GSKIP: variants seen among roughly 807,000 people sequenced by gnomAD.
The protein encoded by GSKIP is GSK3B-interacting protein.
In GSKIP, 5 loss-of-function variants were observed where a neutral mutation model predicts 11.9. That is an observed-to-expected ratio of 0.42 (90% CI 0.22 to 0.89). GSKIP has a LOEUF of 0.89. Ranked by LOEUF, GSKIP falls within the 40% of genes least tolerant of loss-of-function variation. GSKIP has a pLI of 0.29. For missense variants in GSKIP, 150 were observed against 166.6 expected (o/e 0.90, Z 0.55); for synonymous variants, 70 against 62.9 (o/e 1.11, Z -0.54).
intron 1 of GSKIP, chr14:96,364,935 A>AAAATTAAAACGACGGTTT (rs751897060): frequency 2.6e-5 from 4 of 152,118 alleles, no homozygotes; most frequent in Admixed American, 6.5e-5. Flanking sequence ...ATCAGAAAGG[A>AAAATTAAAACGACGGTTT]TCGTACGAGC....
intron 1 of GSKIP, among the ~76,000 whole-genome samples, chr14:96,370,663 T>C (rs1889022035): frequency 6.6e-6 from 1 of 152,180 alleles, no homozygotes; most frequent in Non-Finnish European, 1.5e-5. Context: ...CCTATCTGTC[T>C]ATCTCCCCCA....
At chr14:96,366,047 G>A (rs1281454833) in intron 1 of GSKIP, among the ~76,000 whole-genome samples, 1 of 152,066 alleles carries the variant, frequency 6.6e-6, no homozygotes, top group Non-Finnish European at 1.5e-5. Flanking sequence ...GACCAAAGCG[G>A]TAGCGGTGAA....
chr14:96,385,864 G>A lies in GSKIP; in HGVS notation c.*180G>A, dbSNP rs1221138358. The A allele has an allele frequency of 3.7e-6, 2 of 535,324 alleles. No homozygotes were observed. The highest frequency in any genetic ancestry group is 6.6e-6 in the Non-Finnish European group (2 of 304,566). The allele number at this position is 535,324 out of a possible 1,614,324, so 33.2% of individuals were successfully genotyped here. ...ATGATTTGTCTTAGTTTCTGTTTCAGTAAGGGAATTCTGAGGCCGTTGCTA... is the reference window on the plus strand; with the variant it reads ...ATGATTTGTCTTAGTTTCTGTTTCAATAAGGGAATTCTGAGGCCGTTGCTA... On this transcript the variant is annotated 3_prime_UTR_variant, in exon 4 of 4. Coordinates refer to ENST00000555181, the MANE Select transcript of GSKIP (RefSeq NM_016472.5).
chr14:96,385,002 AATT>A (rs1181565199), intron 3 of GSKIP, among the ~76,000 whole-genome samples: 3 of 152,128 alleles, frequency 2.0e-5, no homozygotes, highest in Admixed American at 1.3e-4. Context: ...ATTAACAACT[AATT>A]ATTAAAACTA....
At chr14:96,381,100 C>G (rs187251901) in intron 2 of GSKIP, among the ~76,000 whole-genome samples, 20 of 152,312 alleles carry the variant, frequency 1.3e-4, no homozygotes, top group Admixed American at 1.3e-3. Context: ...CAATAGCTCA[C>G]CATAACTTGT....
In GSKIP at chr14:96,385,591, C is replaced by G; in HGVS notation, c.327C>G (p.Ser109=). Residue 109 remains serine, a synonymous_variant, in exon 4 of 4, where the codon TCC becomes TCG. Transcript: ENST00000555181. ...CTCCCTACCATGAAACAGTCTACTC[C>G]TTGTTGGATACACTCAGCCCCGCCT... ...LQTPYHETVY[S]LLDTLSPAYR... 1.2e-6 allele frequency: 2 copies of G among 1,612,996 alleles called. No individual in the cohort carries two copies. The highest frequency in any genetic ancestry group is 1.7e-6 in the Non-Finnish European group (2 of 1,179,226).
Position 96,382,215 on chromosome 14 carries a change from A to C in GSKIP, c.-1-32A>C, listed in dbSNP as rs774812631. On this transcript the variant is annotated intron_variant, in intron 2 of 3. Transcript: ENST00000555181. ...TAGTTTGAATGTCTTTCTATAAACA[A>C]ATTTTATAACTGCTTTTTTTTTTTT... 2.0e-5 allele frequency: 30 copies of C among 1,507,382 alleles called. No individual in the cohort carries two copies. The Middle Eastern group carries it at 1.8e-3, about 89-fold the overall frequency. The allele number at this position is 1,507,382 out of a possible 1,614,324, so 93.4% of individuals were successfully genotyped here.
chr14:96,366,182 G>C (rs966610185), intron 1 of GSKIP, among the ~76,000 whole-genome samples: 1 of 152,026 alleles, frequency 6.6e-6, no homozygotes, highest in African/African-American at 2.4e-5. Flanking sequence ...GCAAAGGTGG[G>C]ATCTTGCAAG....
intron 1 of GSKIP, among the ~76,000 whole-genome samples, chr14:96,374,743 T>C (rs560180196): frequency 1.1e-4 from 17 of 151,988 alleles, no homozygotes; most frequent in Middle Eastern, 3.4e-3. Flanking sequence ...CTTTCACAAA[T>C]GAAGATGAAA....
intron 1 of GSKIP, among the ~76,000 whole-genome samples, chr14:96,379,236 A>G (rs1889281874): frequency 6.6e-6 from 1 of 152,170 alleles, no homozygotes; most frequent in Admixed American, 6.5e-5. Context: ...GCCGGGAGGC[A>G]GAGGTTGCAG....
intron 3 of GSKIP, chr14:96,384,758 C>T (rs974211386): frequency 6.6e-6 from 1 of 151,824 alleles, no homozygotes; most frequent in African/African-American, 2.4e-5. Context: ...GCTCTTGCTC[C>T]ATTAACTTCA....
At chr14:96,372,969 G>C (rs564747419) in intron 1 of GSKIP, among the ~76,000 whole-genome samples, 3 of 151,970 alleles carry the variant, frequency 2.0e-5, no homozygotes, top group African/African-American at 7.3e-5. Flanking sequence ...TGTGGCTCAC[G>C]CCTGTAATCC....
intron 3 of GSKIP, chr14:96,384,914 C>A (rs1006990657): frequency 3.3e-5 from 5 of 151,876 alleles, no homozygotes; most frequent in Non-Finnish European, 7.4e-5. Flanking sequence ...AGTGGCCTTT[C>A]AGATTACTAA....
chr14:96,378,866 C>A (rs1341934791), intron 1 of GSKIP: 1 of 152,204 alleles, frequency 6.6e-6, no homozygotes, highest in East Asian at 1.9e-4. Context: ...AAGTGCAAAT[C>A]CTGGGAAACC....
rs1409982025 is a variant in GSKIP at position 96,380,699 on chromosome 14, T to TA, written c.-2+916dup. Among the ~76,000 whole-genome samples, 9 of 152,188 alleles carry TA rather than the reference T, an allele frequency of 5.9e-5. 1 individual carries two copies. The East Asian group carries it at 1.7e-3, about 29-fold the overall frequency. On this transcript the variant is annotated intron_variant, in intron 2 of 3. Transcript: ENST00000555181. Reference sequence around the variant, plus strand: ...GTCAGAAAAAAATTGAGACTCCTTCTAAAAATGCATTTAAGAGCCAGGTGT... The same window carrying TA: ...GTCAGAAAAAAATTGAGACTCCTTCTAAAAAATGCATTTAAGAGCCAGGTGT...
chr14:96,365,620 C>G (rs886766657), intron 1 of GSKIP, among the ~76,000 whole-genome samples: 1 of 151,808 alleles, frequency 6.6e-6, no homozygotes, highest in South Asian at 2.1e-4. Flanking sequence ...CACTTGAGGT[C>G]AGGAGTTCAA....
chr14:96,381,781 T>G (rs1474121929), intron 2 of GSKIP, among the ~76,000 whole-genome samples: 1 of 152,212 alleles, frequency 6.6e-6, no homozygotes, highest in East Asian at 1.9e-4. Context: ...TCATATTCTA[T>G]TGGTAAAGTA....
Position 96,369,615 on chromosome 14 carries a change from C to T in GSKIP, c.-103+6047C>T, listed in dbSNP as rs148227264. On this transcript the variant is annotated intron_variant, in intron 1 of 3. Transcript: ENST00000555181. ...TTCAAAGGGCTCCAGGTACTCAGCTCAGGCTGTAAGCTGTATGTCTTTGCA... is the reference window on the plus strand; with the variant it reads ...TTCAAAGGGCTCCAGGTACTCAGCTTAGGCTGTAAGCTGTATGTCTTTGCA... Among the ~76,000 whole-genome samples the T allele has an allele frequency of 1.8e-4, 27 of 152,294 alleles. 1 individual carries two copies. In the East Asian group the frequency reaches 5.2e-3, roughly 29 times the overall value.
rs1889507747 is a variant in GSKIP at position 96,386,978 on chromosome 14, T to C, written c.*1294T>C. The C allele has an allele frequency of 6.6e-6, 1 of 152,306 alleles. No individual in the cohort carries two copies. Among genetic ancestry groups the C allele is most frequent in the South Asian group, 2.1e-4 (1 of 4,836 alleles). 9.4% of individuals were successfully genotyped at this position (152,306 alleles called of 1,614,324 possible). On this transcript the variant is annotated 3_prime_UTR_variant, in exon 4 of 4. Transcript: ENST00000555181. ...CATCATTATTAAAAAACAGGAACTTTTAGGCTCTGAAGATCATGTGGACCA... is the reference window on the plus strand; with the variant it reads ...CATCATTATTAAAAAACAGGAACTTCTAGGCTCTGAAGATCATGTGGACCA...
Sources: allele counts gnomAD v4.1 joint callset (sites outside exome capture counted in the v4.1 genomes callset), GRCh38; gene constraint gnomAD v4.1.1; transcripts MANE v1.5; gene names NCBI Gene and HGNC (gene_info 2026-07-23, HGNC 2026-07-21).